The following SLC1A2 variants were observed in gnomAD, a reference collection of about 807,000 sequenced individuals.
The protein encoded by SLC1A2 is excitatory amino acid transporter 2.
SLC1A2 carries 15 observed loss-of-function variants against 48.8 expected under a neutral mutation model. The observed-to-expected ratio is 0.31, with a 90% CI of 0.21 to 0.47. SLC1A2 has a LOEUF of 0.47. Ranked by LOEUF, SLC1A2 falls within the 20% of genes least tolerant of loss-of-function variation. The pLI, the probability that SLC1A2 is intolerant of heterozygous loss-of-function variation, is 0.99. For synonymous variants in SLC1A2, 279 were observed against 272.6 expected, an observed-to-expected ratio of 1.02 and a Z score of -0.23; for missense variants, 502 against 730.5, an observed-to-expected ratio of 0.69 and a Z score of 3.61.
intron 9 of SLC1A2, among the ~76,000 whole-genome samples, chr11:35,271,990 T>C (rs866402876): frequency 2.0e-5 from 3 of 152,098 alleles, no homozygotes; most frequent in Non-Finnish European, 4.4e-5. Flanking sequence ...TTATGTATAA[T>C]CAGCTTATTC....
chr11:35,285,783 A>C (rs1472506104), intron 8 of SLC1A2: 1 of 152,202 alleles, frequency 6.6e-6, no homozygotes, highest in African/African-American at 2.4e-5. Flanking sequence ...CAAACAAAGC[A>C]ACACTCTGGG....
chr11:35,389,840 T>C (rs1269317078), intron 1 of SLC1A2, among the ~76,000 whole-genome samples: 1 of 152,062 alleles, frequency 6.6e-6, no homozygotes, highest in South Asian at 2.1e-4. Context: ...CTCAAACTCC[T>C]GGGTTCAAGT....
intron 1 of SLC1A2, among the ~76,000 whole-genome samples, chr11:35,350,882 C>G (rs1853225762): frequency 6.6e-6 from 1 of 152,112 alleles, no homozygotes; most frequent in South Asian, 2.1e-4. Flanking sequence ...AGATTTCATT[C>G]TTCTGACTCC....
chr11:35,317,579 C>T (rs1851925565), intron 1 of SLC1A2, 63 bp from the exon 2 acceptor site: 1 of 1,549,664 alleles, frequency 6.5e-7, no homozygotes, highest in Admixed American at 1.7e-5. Context: ...GTTTCAGGGG[C>T]TCGACTAGTA....
At chr11:35,333,827 A>ATTTTTTTTTTTTTTTT (rs373988431) in intron 1 of SLC1A2, among the ~76,000 whole-genome samples, 4 of 126,176 alleles carry the variant, frequency 3.2e-5, no homozygotes, top group Non-Finnish European at 3.3e-5. Context: ...ATGCCAGCTA[A>ATTTTTTTTTTTTTTTT]TTTTTTTTTT....
At chr11:35,317,656 G>T in intron 1 of SLC1A2, 140 bp from the exon 2 acceptor site, 2 of 1,006,202 alleles carry the variant, frequency 2.0e-6, no homozygotes, top group Admixed American at 4.3e-5. Context: ...GTGTGACTCA[G>T]GGTCACCTAT....
chr11:35,308,666 C>G (rs1384186245), intron 4 of SLC1A2, among the ~76,000 whole-genome samples: 1 of 152,152 alleles, frequency 6.6e-6, no homozygotes, highest in Admixed American at 6.5e-5. Context: ...GCAGAGACCT[C>G]ATGGCCTAAT....
At position 35,260,776 on chromosome 11, in the gene SLC1A2, T is replaced by C; in HGVS notation, c.*118A>G. The C allele has an allele frequency of 1.3e-6, 1 of 765,618 alleles. No homozygotes were observed. The highest frequency in any genetic ancestry group is 2.3e-6 in the Non-Finnish European group (1 of 443,646). 47.4% of individuals were successfully genotyped at this position (765,618 alleles called of 1,614,324 possible). ...GCTCCTCTAAGCCTCGGCTAACAGATTAAGTAAACATAGAAATATACGCAT... is the reference window on the plus strand; with the variant it reads ...GCTCCTCTAAGCCTCGGCTAACAGACTAAGTAAACATAGAAATATACGCAT... On this transcript the variant is annotated 3_prime_UTR_variant, in exon 11 of 11. Transcript: ENST00000278379.
rs761343188 is a variant in SLC1A2, at chr11:35,305,129, T to C, written c.730+945A>G. Among the ~76,000 whole-genome samples the C allele has an allele frequency of 2.6e-4, 39 of 152,184 alleles. 1 individual carries two copies. The highest frequency in any genetic ancestry group is 5.9e-5 in the Non-Finnish European group (4 of 68,030). On this transcript the variant is annotated intron_variant, in intron 5 of 10. Transcript: ENST00000278379. The stretch of plus-strand genomic sequence containing the variant: ...TCCTGTCTCGGGGACACCATTCTAG[T>C]GATGGATGGAGGTTACGGAAGGGAG...
chr11:35,405,830 G>C (rs1290026483), intron 1 of SLC1A2, among the ~76,000 whole-genome samples: 1 of 152,174 alleles, frequency 6.6e-6, no homozygotes, highest in Admixed American at 6.5e-5. Context: ...GAATGGGGAT[G>C]TTCAATTGAC....
intron 1 of SLC1A2, among the ~76,000 whole-genome samples, chr11:35,401,394 G>A (rs376753434): frequency 6.6e-5 from 10 of 152,280 alleles, no homozygotes; most frequent in East Asian, 1.9e-4. Flanking sequence ...CCTGTTATCC[G>A]TCATGTTGAT....
rs1950236500 is a variant in SLC1A2 at position 35,251,405 on chromosome 11, T to G, written c.*9489A>C. The G allele has an allele frequency of 6.6e-6, 1 of 152,646 alleles. No individual in the cohort carries two copies. The highest frequency in any genetic ancestry group is 2.1e-4 in the South Asian group (1 of 4,836). 9.5% of individuals were successfully genotyped at this position (152,646 alleles called of 1,614,324 possible). ...AACAAAAGACCTCAACTACCCAAAA[T>G]GTGCTTCATCAACAAGGCATTTTCT... is the stretch of plus-strand genomic sequence containing the variant. On this transcript the variant is annotated 3_prime_UTR_variant, in exon 11 of 11. Transcript: ENST00000278379.
At position 35,259,463 on chromosome 11, in the gene SLC1A2, T is replaced by C. The variant is rs1950362954; in HGVS notation, c.*1431A>G. 1 of 152,628 alleles carries C rather than the reference T, an allele frequency of 6.6e-6. No homozygotes were observed. The highest frequency in any genetic ancestry group is 2.4e-5 in the African/African-American group (1 of 41,452). The allele number at this position is 152,628 out of a possible 1,614,324, so 9.5% of individuals were successfully genotyped here. Reference sequence around the variant, plus strand: ...TCAATAAAAAAGGATAGTAGAGACATTAAAAATTTTAGCTTGCATTACCAA... The same window carrying C: ...TCAATAAAAAAGGATAGTAGAGACACTAAAAATTTTAGCTTGCATTACCAA... On this transcript the variant is annotated 3_prime_UTR_variant, in exon 11 of 11. Transcript: ENST00000278379.
chr11:35,371,000 G>C, intron 1 of SLC1A2: 1 of 985,010 alleles, frequency 1.0e-6, no homozygotes, highest in Non-Finnish European at 1.2e-6. Context: ...CCAAAGGGTG[G>C]CATCTTCCTC....
intron 6 of SLC1A2, among the ~76,000 whole-genome samples, chr11:35,293,648 A>G (rs1851079058): frequency 6.6e-6 from 1 of 152,182 alleles, no homozygotes; most frequent in Non-Finnish European, 1.5e-5. Context: ...AAAAATTATG[A>G]ACATACTTGA....
At chr11:35,303,718 T>G (rs1187292383) in intron 5 of SLC1A2, among the ~76,000 whole-genome samples, 4 of 152,192 alleles carry the variant, frequency 2.6e-5, no homozygotes, top group Non-Finnish European at 1.5e-5. Context: ...AGAGATAGGT[T>G]TTTAAAGGAA....
At chr11:35,275,989 C>G (rs1412615541) in intron 9 of SLC1A2, among the ~76,000 whole-genome samples, 4 of 152,208 alleles carry the variant, frequency 2.6e-5, no homozygotes, top group Non-Finnish European at 5.9e-5. Context: ...CAAAGCAGAT[C>G]TGACCTAGCT....
At chr11:35,273,043 C>T (rs2093956838) in intron 9 of SLC1A2, among the ~76,000 whole-genome samples, 1 of 152,180 alleles carries the variant, frequency 6.6e-6, no homozygotes, top group South Asian at 2.1e-4. Flanking sequence ...AGCTGTCACC[C>T]ACAATTCATC....
chr11:35,359,101 G>T (rs1853589694), intron 1 of SLC1A2, among the ~76,000 whole-genome samples: 1 of 152,158 alleles, frequency 6.6e-6, no homozygotes, highest in South Asian at 2.1e-4. Flanking sequence ...AGGGTAAACT[G>T]CTTGACAATA....
Sources: allele counts gnomAD v4.1 joint callset (sites outside exome capture counted in the v4.1 genomes callset), GRCh38; gene constraint gnomAD v4.1.1; transcripts MANE v1.5; gene names NCBI Gene and HGNC (gene_info 2026-07-23, HGNC 2026-07-21).